Variants in AGBL4 observed in about 807,000 individuals in gnomAD.
The protein encoded by AGBL4 is AGBL carboxypeptidase 4.
AGBL4 carries 58 observed loss-of-function variants against 66.4 expected under a neutral mutation model. The observed-to-expected ratio is 0.87, with a 90% CI of 0.71 to 1.09. The LOEUF (loss-of-function observed/expected upper bound fraction) is 1.09. Among genes scored for constraint, AGBL4 ranks in the 50% least tolerant of loss-of-function variants. AGBL4 has a pLI of 0.00. For missense variants in AGBL4, 579 were observed against 631.0 expected, an observed-to-expected ratio of 0.92 and a Z score of 0.88; for synonymous variants, 234 against 222.9, an observed-to-expected ratio of 1.05 and a Z score of -0.44.
At chr1:49,240,669 C>T (rs1233524707) in intron 4 of AGBL4, among the ~76,000 whole-genome samples, 7 of 150,760 alleles carry the variant, frequency 4.6e-5, no homozygotes, top group African/African-American at 1.7e-4. Context: ...ATCCTAATCT[C>T]TCTTCTCATG....
intron 5 of AGBL4, among the ~76,000 whole-genome samples, chr1:48,917,952 G>C (rs1256535847): frequency 1.3e-5 from 2 of 152,188 alleles, no homozygotes; most frequent in Non-Finnish European, 2.9e-5. Context: ...CTTCTGCTTT[G>C]CACTCCAGTG....
chr1:49,237,799 T>C (rs1650905675), intron 4 of AGBL4, among the ~76,000 whole-genome samples: 1 of 152,032 alleles, frequency 6.6e-6, no homozygotes, highest in Non-Finnish European at 1.5e-5. Context: ...TTTATTCTTT[T>C]TGTTGTTGTT....
intron 3 of AGBL4, among the ~76,000 whole-genome samples, chr1:49,465,445 A>G (rs2148705041): frequency 6.6e-6 from 1 of 151,912 alleles, no homozygotes; most frequent in Non-Finnish European, 1.5e-5. Context: ...TGGGGCTCAC[A>G]GGAGATAAGG....
chr1:49,009,429 A>C (rs1415332361), intron 5 of AGBL4, among the ~76,000 whole-genome samples: 1 of 150,014 alleles, frequency 6.7e-6, no homozygotes, highest in Non-Finnish European at 1.5e-5. Flanking sequence ...ATGGATTCAC[A>C]GCCGAATTCT....
At chr1:49,331,352 C>A (rs1429807339) in intron 3 of AGBL4, among the ~76,000 whole-genome samples, 1 of 152,086 alleles carries the variant, frequency 6.6e-6, no homozygotes. Flanking sequence ...GGAATTCTAG[C>A]CAGCCACCGG....
intron 6 of AGBL4, among the ~76,000 whole-genome samples, chr1:48,830,716 TAATCAATAA>T (rs559822507): frequency 5.2e-5 from 8 of 152,394 alleles, no homozygotes; most frequent in Non-Finnish European, 7.3e-5. Context: ...GTCACTGAGC[TAATCAATAA>T]ATAACTTTGG....
At chr1:49,611,619 C>T (rs1026244761) in intron 3 of AGBL4, among the ~76,000 whole-genome samples, 16 of 152,002 alleles carry the variant, frequency 1.1e-4, no homozygotes, top group African/African-American at 1.4e-4. Flanking sequence ...CCTCGTGATC[C>T]GCCTGCCTCG....
intron 4 of AGBL4, among the ~76,000 whole-genome samples, chr1:49,078,353 T>C (rs1209066952): frequency 1.1e-4 from 17 of 152,194 alleles, no homozygotes; most frequent in Admixed American, 7.9e-4. Flanking sequence ...GCTTCAGACA[T>C]AGATTTAATT....
intron 6 of AGBL4, among the ~76,000 whole-genome samples, chr1:48,751,936 CTTCT>C (rs1379001547): frequency 2.0e-5 from 3 of 152,164 alleles, no homozygotes; most frequent in African/African-American, 4.8e-5. Flanking sequence ...ACTGTGGCTA[CTTCT>C]GATTTGGGCA....
chr1:49,308,625 G>A (rs1644890939), intron 3 of AGBL4, among the ~76,000 whole-genome samples: 1 of 152,074 alleles, frequency 6.6e-6, no homozygotes, highest in Non-Finnish European at 1.5e-5. Flanking sequence ...CCAGACAAAG[G>A]ACTGATAATA....
chr1:49,550,934 T>G (rs1652901912), intron 3 of AGBL4, among the ~76,000 whole-genome samples: 1 of 152,130 alleles, frequency 6.6e-6, no homozygotes, highest in Admixed American at 6.5e-5. Flanking sequence ...GGAACACCAA[T>G]TATTCTTAGG....
chr1:48,611,669 T>C (rs1569998198), intron 9 of AGBL4, among the ~76,000 whole-genome samples: 1 of 152,130 alleles, frequency 6.6e-6, no homozygotes, highest in South Asian at 2.1e-4. Context: ...AAAGATCAAG[T>C]TTCAGAGGGG....
intron 1 of AGBL4, among the ~76,000 whole-genome samples, chr1:49,881,576 A>G (rs529868461): frequency 3.8e-4 from 57 of 150,546 alleles, no homozygotes; most frequent in Admixed American, 3.2e-3. Context: ...AATGATTGCC[A>G]TTCTAACTGG....
intron 5 of AGBL4, among the ~76,000 whole-genome samples, chr1:48,872,378 G>T (rs1208435434): frequency 6.6e-6 from 1 of 152,058 alleles, no homozygotes; most frequent in African/African-American, 2.4e-5. Context: ...ATATATTTAT[G>T]GTCATAGCTA....
chr1:48,726,440 A>G (rs759592726), intron 6 of AGBL4, among the ~76,000 whole-genome samples: 6 of 152,214 alleles, frequency 3.9e-5, no homozygotes, highest in Non-Finnish European at 7.3e-5. Context: ...ATATTTATTG[A>G]ACATCTATCT....
At chr1:49,142,357 A>G (rs1322362049) in intron 4 of AGBL4, among the ~76,000 whole-genome samples, 1 of 152,138 alleles carries the variant, frequency 6.6e-6, no homozygotes, top group African/African-American at 2.4e-5. Context: ...AACTCAACAT[A>G]TAGAGAAGAA....
chr1:49,408,935 G>A (rs1322128293), intron 3 of AGBL4, among the ~76,000 whole-genome samples: 37 of 152,076 alleles, frequency 2.4e-4, no homozygotes, highest in Admixed American at 2.4e-3. Flanking sequence ...TCCCTCTAGA[G>A]AACACTGACT....
chr1:49,335,773 C>G (rs1315509857), intron 3 of AGBL4, among the ~76,000 whole-genome samples: 1 of 152,138 alleles, frequency 6.6e-6, no homozygotes, highest in Admixed American at 6.5e-5. Context: ...CCTTGGCCCC[C>G]CAAAATGCTG....
chr1:49,404,255 T>C (rs1645148146), intron 3 of AGBL4, among the ~76,000 whole-genome samples: 2 of 152,112 alleles, frequency 1.3e-5, no homozygotes, highest in Non-Finnish European at 2.9e-5. Flanking sequence ...AGTGTCCTTA[T>C]AGGAAAATAC....
Sources: allele counts gnomAD v4.1 joint callset (sites outside exome capture counted in the v4.1 genomes callset), GRCh38; gene constraint gnomAD v4.1.1; transcripts MANE v1.5; gene names NCBI Gene and HGNC (gene_info 2026-07-23, HGNC 2026-07-21).